IQGAP2: variants seen among roughly 807,000 people sequenced by gnomAD.
IQGAP2 encodes ras GTPase-activating-like protein IQGAP2.
Under a neutral mutation model 201.3 loss-of-function variants are expected in IQGAP2, and 173 were observed. The observed-to-expected ratio is 0.86, with a 90% CI of 0.76 to 0.98. IQGAP2 has a LOEUF of 0.98. Among genes scored for constraint, IQGAP2 ranks in the 50% least tolerant of loss-of-function variants. The pLI, the probability that IQGAP2 is intolerant of heterozygous loss-of-function variation, is 0.00. For missense variants in IQGAP2, 1,687 were observed against 1,864.8 expected (o/e 0.90, Z 1.76); for synonymous variants, 675 against 673.9 (o/e 1.00, Z -0.03).
chr5:76,660,658 T>C (rs927738101), intron 21 of IQGAP2, among the ~76,000 whole-genome samples: 2 of 152,246 alleles, frequency 1.3e-5, no homozygotes, highest in Admixed American at 6.5e-5. Context: ...TTAAAGCCAC[T>C]TATCACTAAT....
chr5:76,431,600 G>A (rs973742635), intron 1 of IQGAP2, among the ~76,000 whole-genome samples: 6 of 152,124 alleles, frequency 3.9e-5, no homozygotes, highest in South Asian at 2.1e-4. Context: ...CAAGCCGGGC[G>A]GATCATGAGG....
At position 76,668,694 on chromosome 5, in the gene IQGAP2, A is replaced by C; in HGVS notation, c.2693A>C (p.Tyr898Ser). ...CTTTCCTTCTAGACCAACCCTTTATACTTGGCTAAGCTGATTTTCCAGATG... is the reference window on the plus strand; with the variant it reads ...CTTTCCTTCTAGACCAACCCTTTATCCTTGGCTAAGCTGATTTTCCAGATG... ...LFYLLQTNPL[Y>S]LAKLIFQMPQ... Residue 898 changes from tyrosine to serine, a missense_variant, in exon 23 of 36, where the codon TAC becomes TCC. Physicochemically the swap from Tyr to Ser is moderately radical, Grantham distance 144 (BLOSUM62 -2). Transcript: ENST00000274364. 1.9e-6 allele frequency: 3 copies of C among 1,610,020 alleles called. No homozygotes were observed. The highest frequency in any genetic ancestry group is 2.5e-6 in the Non-Finnish European group (3 of 1,178,760).
intron 27 of IQGAP2, among the ~76,000 whole-genome samples, chr5:76,676,656 T>C (rs1041330283): frequency 7.2e-5 from 11 of 152,204 alleles, no homozygotes; most frequent in South Asian, 4.1e-4. Context: ...GGACATGTTA[T>C]GTATTTGGGT....
At chr5:76,531,883 T>C (rs958746266) in intron 2 of IQGAP2, among the ~76,000 whole-genome samples, 1 of 152,164 alleles carries the variant, frequency 6.6e-6, no homozygotes, top group African/African-American at 2.4e-5. Flanking sequence ...TTCAGGAGAC[T>C]GGGAAGTCCA....
chr5:76,507,881 C>T (rs1193623072), intron 2 of IQGAP2, among the ~76,000 whole-genome samples: 2 of 151,312 alleles, frequency 1.3e-5, no homozygotes, highest in South Asian at 2.1e-4. Flanking sequence ...TGGTGACACG[C>T]GCCTGTAGTC....
chr5:76,487,099 TTTC>T (rs1252173695), intron 2 of IQGAP2, among the ~76,000 whole-genome samples: 5 of 80,774 alleles, frequency 6.2e-5, no homozygotes, highest in Non-Finnish European at 1.5e-4. Context: ...TATTTCTTTC[TTTC>T]TTTTTTTTTT....
intron 3 of IQGAP2, among the ~76,000 whole-genome samples, chr5:76,566,701 C>T (rs1351160606): frequency 6.6e-6 from 1 of 151,994 alleles, no homozygotes; most frequent in African/African-American, 2.4e-5. Context: ...TAACTCAGTC[C>T]AGGTGGCAGT....
intron 13 of IQGAP2, among the ~76,000 whole-genome samples, chr5:76,615,266 CTG>C (rs1242327658): frequency 1.3e-5 from 2 of 152,106 alleles, no homozygotes; most frequent in African/African-American, 2.4e-5. Flanking sequence ...TTAGGTAAAA[CTG>C]TGTTGTAATT....
In IQGAP2 at chr5:76,683,861, A is replaced by G; in HGVS notation, c.3849A>G (p.Thr1283=). The G allele has an allele frequency of 2.5e-6, 4 of 1,613,622 alleles. No homozygotes were observed. Among genetic ancestry groups the G allele is most frequent in the Non-Finnish European group, 2.5e-6 (3 of 1,179,750 alleles). ...LSKTEISLVL[T]SKYDIEDGEA... is the part of the protein sequence containing the mutation. Reference sequence around the variant, plus strand: ...AGACCGAGATTTCTCTTGTCTTGACAAGCAAATATGACATAGAGGACGGTG... The same window carrying G: ...AGACCGAGATTTCTCTTGTCTTGACGAGCAAATATGACATAGAGGACGGTG... The change falls in exon 30 of 36, where the codon ACA becomes ACG. Residue 1283 remains threonine, a synonymous_variant. Transcript: ENST00000274364.
chr5:76,481,673 C>G (rs2150145281), intron 2 of IQGAP2, among the ~76,000 whole-genome samples: 1 of 152,294 alleles, frequency 6.6e-6, no homozygotes, highest in African/African-American at 2.4e-5. Flanking sequence ...CATGAGCCAC[C>G]ACACCCGATC....
At chr5:76,628,630 T>C (rs1231187546) in intron 14 of IQGAP2, 1 of 437,798 alleles carries the variant, frequency 2.3e-6, no homozygotes, top group African/African-American at 2.0e-5. Context: ...TTAGAATCTA[T>C]TCTGTTGTAT....
chr5:76,532,536 G>C (rs1017923909), intron 2 of IQGAP2, among the ~76,000 whole-genome samples: 4 of 152,108 alleles, frequency 2.6e-5, no homozygotes, highest in African/African-American at 9.7e-5. Context: ...ATGGTGGTAA[G>C]ACAGCCTCCT....
At chr5:76,619,514 C>CCTTTTTTTTTT (rs1561518620) in intron 13 of IQGAP2, among the ~76,000 whole-genome samples, 3 of 104,266 alleles carry the variant, frequency 2.9e-5, no homozygotes, top group Non-Finnish European at 1.9e-5. Flanking sequence ...TAAGGATCTT[C>CCTTTTTTTTTT]TTTTTTTTTT....
chr5:76,463,869 A>T (rs1754627493), intron 2 of IQGAP2, among the ~76,000 whole-genome samples: 1 of 149,280 alleles, frequency 6.7e-6, no homozygotes, highest in African/African-American at 2.5e-5. Context: ...TTTTTCTGAG[A>T]TGGAGTCTCA....
At chr5:76,656,555 G>C (rs1742741721) in intron 20 of IQGAP2, among the ~76,000 whole-genome samples, 1 of 152,048 alleles carries the variant, frequency 6.6e-6, no homozygotes, top group South Asian at 2.1e-4. Flanking sequence ...TATGTTTGCT[G>C]TTGCTTTTAT....
At chr5:76,692,974 A>T (rs1221787857) in intron 30 of IQGAP2, among the ~76,000 whole-genome samples, 1 of 152,228 alleles carries the variant, frequency 6.6e-6, no homozygotes, top group African/African-American at 2.4e-5. Flanking sequence ...AAAGGAGAAT[A>T]TTAGATATCA....
chr5:76,513,041 T>G (rs1402912157), intron 2 of IQGAP2, among the ~76,000 whole-genome samples: 1 of 147,460 alleles, frequency 6.8e-6, no homozygotes, highest in African/African-American at 2.6e-5. Flanking sequence ...GGTGACAGAG[T>G]CAGAGTCTGT....
chr5:76,694,663 A>G (rs1470609691), intron 31 of IQGAP2, among the ~76,000 whole-genome samples: 2 of 152,152 alleles, frequency 1.3e-5, no homozygotes, highest in African/African-American at 4.8e-5. Context: ...TGCTTTTGTT[A>G]TTTACTGCTA....
intron 4 of IQGAP2, among the ~76,000 whole-genome samples, chr5:76,571,942 T>C (rs1745143064): frequency 6.6e-6 from 1 of 152,198 alleles, no homozygotes; most frequent in African/African-American, 2.4e-5. Flanking sequence ...TGCAGTTTTA[T>C]CCCATGAATA....
Sources: gnomAD v4.1 joint callset for allele counts (sites outside exome capture counted in the v4.1 genomes callset) on GRCh38, gnomAD v4.1.1 for gene constraint, MANE v1.5 for transcripts, NCBI Gene and HGNC (gene_info 2026-07-23, HGNC 2026-07-21) for gene names.